The following ZBTB7C variants were observed in gnomAD, a reference collection of about 807,000 sequenced individuals.
The protein encoded by ZBTB7C is zinc finger and BTB domain containing 7C.
A neutral mutation model predicts 25.7 loss-of-function variants in ZBTB7C; 8 were observed. The ratio of observed to expected loss-of-function variants is 0.31; its 90% confidence interval spans 0.18 to 0.56. ZBTB7C has a LOEUF of 0.56. Ranked by LOEUF, ZBTB7C falls within the 20% of genes least tolerant of loss-of-function variation. The probability of loss-of-function intolerance (pLI) is 0.91; values close to 1 mark genes in which losing one functional copy is unlikely to be tolerated. For missense variants in ZBTB7C, 824 were observed against 855.2 expected (o/e 0.96, Z 0.46); for synonymous variants, 394 against 369.0 (o/e 1.07, Z -0.78).
At chr18:48,310,548 G>GTGTGTGTC (rs1471704999) in intron 2 of ZBTB7C, among the ~76,000 whole-genome samples, 4 of 151,858 alleles carry the variant, frequency 2.6e-5, no homozygotes, top group African/African-American at 9.7e-5. Context: ...TTTTCTTTGT[G>GTGTGTGTC]TGTGTGTCTG....
intron 1 of ZBTB7C, among the ~76,000 whole-genome samples, chr18:48,354,018 A>G (rs539529188): frequency 7.9e-5 from 12 of 152,176 alleles, no homozygotes; most frequent in Non-Finnish European, 1.3e-4. Context: ...GTGGAACAAA[A>G]TACACTCAAT....
intron 1 of ZBTB7C, among the ~76,000 whole-genome samples, chr18:48,378,773 T>C (rs2047576158): frequency 6.6e-6 from 1 of 152,026 alleles, no homozygotes; most frequent in Non-Finnish European, 1.5e-5. Flanking sequence ...AAAATGAACA[T>C]TCAGAGAATA....
intron 2 of ZBTB7C, among the ~76,000 whole-genome samples, chr18:48,319,377 G>A (rs755931640): frequency 4.9e-4 from 75 of 152,220 alleles, no homozygotes; most frequent in Admixed American, 9.8e-4. Context: ...TTTCCTATCC[G>A]TTAAATGGGG....
rs529891239 is a variant in ZBTB7C at position 48,040,913 on chromosome 18, G to T, written c.195C>A (p.Ala65=). 2.5e-6 allele frequency: 4 copies of T among 1,614,032 alleles called. No individual in the cohort carries two copies. In the South Asian group the frequency reaches 4.4e-5, roughly 18 times the overall value. Residue 65 remains alanine (A), a synonymous_variant, in exon 4 of 5, where the codon GCC becomes GCA. Transcript: ENST00000590800. The part of the protein sequence containing the change: ...CSKYFKKLFT[A]GTLASQPYVY... ...CGTAGGGCTGGCTGGCTAGGGTGCC[G>T]GCTGTGAAAAGCTTCTTGAAGTACT... is the stretch of plus-strand genomic sequence containing the variant.
intron 2 of ZBTB7C, among the ~76,000 whole-genome samples, chr18:48,204,033 G>A (rs1022451026): frequency 1.9e-4 from 29 of 152,230 alleles, no homozygotes; most frequent in African/African-American, 7.0e-4. Flanking sequence ...ACAGTGTGAA[G>A]CTGCTCTTGC....
chr18:48,121,833 A>G (rs1254934831), intron 3 of ZBTB7C, among the ~76,000 whole-genome samples: 1 of 152,112 alleles, frequency 6.6e-6, no homozygotes, highest in Non-Finnish European at 1.5e-5. Flanking sequence ...AGGGAGAGGG[A>G]AAAGGCTGTG....
chr18:48,173,495 C>T (rs941789174), intron 3 of ZBTB7C, among the ~76,000 whole-genome samples: 6 of 152,346 alleles, frequency 3.9e-5, no homozygotes, highest in Non-Finnish European at 8.8e-5. Flanking sequence ...TTCTCCCACA[C>T]ACAGTCTCAG....
At chr18:48,138,695 T>C (rs1568249116) in intron 3 of ZBTB7C, among the ~76,000 whole-genome samples, 1 of 152,162 alleles carries the variant, frequency 6.6e-6, no homozygotes. Flanking sequence ...GATGACTCCA[T>C]AGCTTTTTAT....
At chr18:48,243,136 C>T (rs112246764) in intron 2 of ZBTB7C, among the ~76,000 whole-genome samples, 25 of 152,078 alleles carry the variant, frequency 1.6e-4, no homozygotes, top group South Asian at 1.5e-3. Context: ...TGGTCGTACA[C>T]GCCTATAATT....
intron 3 of ZBTB7C, among the ~76,000 whole-genome samples, chr18:48,113,952 A>G (rs1224893083): frequency 3.9e-5 from 6 of 152,166 alleles, no homozygotes; most frequent in African/African-American, 1.2e-4. Context: ...GTCTCCATCT[A>G]CTTGTCTGAA....
chr18:48,301,566 A>T (rs1191223070), intron 2 of ZBTB7C, among the ~76,000 whole-genome samples: 2 of 152,204 alleles, frequency 1.3e-5, no homozygotes, highest in Admixed American at 6.5e-5. Context: ...TCCATCTCAC[A>T]AAGAACCTCC....
intron 2 of ZBTB7C, among the ~76,000 whole-genome samples, chr18:48,303,032 C>CAGA (rs2045582500): frequency 6.6e-6 from 1 of 152,096 alleles, no homozygotes; most frequent in Non-Finnish European, 1.5e-5. Flanking sequence ...GCTGCCAAAG[C>CAGA]TTCTGTCTCC....
chr18:48,372,055 A>T (rs2047401159), intron 1 of ZBTB7C, among the ~76,000 whole-genome samples: 1 of 152,166 alleles, frequency 6.6e-6, no homozygotes, highest in African/African-American at 2.4e-5. Context: ...ACACGTCAAC[A>T]GGCCCTTCAC....
intron 3 of ZBTB7C, among the ~76,000 whole-genome samples, chr18:48,042,580 G>A (rs553621244): frequency 3.3e-5 from 5 of 152,322 alleles, no homozygotes; most frequent in Admixed American, 1.3e-4. Context: ...CGCTCATAAA[G>A]TGTGAGTGGG....
intron 2 of ZBTB7C, among the ~76,000 whole-genome samples, chr18:48,321,671 G>T (rs971939769): frequency 6.6e-6 from 1 of 152,144 alleles, no homozygotes; most frequent in Non-Finnish European, 1.5e-5. Context: ...CTGGGCTAGG[G>T]GTGGGGAAAC....
chr18:48,258,948 C>T (rs917206181), intron 2 of ZBTB7C, among the ~76,000 whole-genome samples: 16 of 152,092 alleles, frequency 1.1e-4, no homozygotes, highest in East Asian at 9.6e-4. Context: ...TGAGCCACTG[C>T]GCCCTGCCTT....
At chr18:48,314,840 AT>A (rs747202386) in intron 2 of ZBTB7C, among the ~76,000 whole-genome samples, 16 of 151,942 alleles carry the variant, frequency 1.1e-4, no homozygotes, top group Non-Finnish European at 2.4e-4. Flanking sequence ...CCTGGCTTTC[AT>A]TTTTAATGAG....
Position 48,390,037 on chromosome 18 carries a change from T to C in ZBTB7C, c.-304+19189A>G, listed in dbSNP as rs570973847. Reference sequence around the variant, plus strand: ...ATGAAGCTATGGCCGGCCATCCATATGAAGGGACAAGGGCTGGATCGGGAG... The same window carrying C: ...ATGAAGCTATGGCCGGCCATCCATACGAAGGGACAAGGGCTGGATCGGGAG... On this transcript the variant is annotated intron_variant, in intron 1 of 4. Transcript: ENST00000590800. 9.2e-5 allele frequency among the ~76,000 whole-genome samples: 14 copies of C among 152,266 alleles called. 1 individual carries two copies. The South Asian group carries it at 2.9e-3, about 32-fold the overall frequency.
intron 1 of ZBTB7C, among the ~76,000 whole-genome samples, chr18:48,391,499 T>A (rs79144617): frequency 0.012 from 1,789 of 150,904 alleles, 22 homozygotes; most frequent in Non-Finnish European, 0.017. Context: ...GTCAGTCAAC[T>A]ATATTTTCTA....
Sources: gnomAD v4.1 joint callset for allele counts (sites outside exome capture counted in the v4.1 genomes callset) on GRCh38, gnomAD v4.1.1 for gene constraint, MANE v1.5 for transcripts, NCBI Gene and HGNC (gene_info 2026-07-23, HGNC 2026-07-21) for gene names.